The following KCNMA1 variants were observed in gnomAD, a reference collection of about 807,000 sequenced individuals.
KCNMA1 encodes the protein Calcium-activated potassium channel subunit alpha-1.
Under a neutral mutation model 140.0 loss-of-function variants are expected in KCNMA1, and 29 were observed. The observed-to-expected ratio is 0.21, with a 90% CI of 0.15 to 0.28. The LOEUF is 0.28. Among genes scored for constraint, KCNMA1 ranks in the 10% least tolerant of loss-of-function variants. The pLI is 1.00. For missense variants in KCNMA1, 880 were observed against 1,602.2 expected, an observed-to-expected ratio of 0.55 and a Z score of 7.70; for synonymous variants, 612 against 611.9, an observed-to-expected ratio of 1.00 and a Z score of 0.00.
At chr10:76,869,860 C>T (rs1322224356) in exon 28 of KCNMA1, 1 of 152,526 alleles carries the variant, frequency 6.6e-6, no homozygotes, top group Non-Finnish European at 1.5e-5. Flanking sequence ...GCTCTTTTTC[C>T]TCAATGAACA....
chr10:76,918,422 T>C (rs892359604), intron 23 of KCNMA1, among the ~76,000 whole-genome samples: 2 of 152,204 alleles, frequency 1.3e-5, no homozygotes, highest in Non-Finnish European at 2.9e-5. Flanking sequence ...CATAGCACTT[T>C]GTTGATCATG....
chr10:77,324,186 C>A (rs1002180905), intron 2 of KCNMA1, among the ~76,000 whole-genome samples: 1 of 152,140 alleles, frequency 6.6e-6, no homozygotes, highest in African/African-American at 2.4e-5. Context: ...AACACTGTGC[C>A]CACTCTCCAG....
At chr10:77,410,955 G>A (rs3844118) in intron 1 of KCNMA1, among the ~76,000 whole-genome samples, 35,575 of 152,192 alleles carry the variant, frequency 0.23, 6,760 homozygotes, top group African/African-American at 0.52. Context: ...ATCATTGTGT[G>A]CTGTCTGCAA....
intron 23 of KCNMA1, among the ~76,000 whole-genome samples, chr10:76,941,831 C>T (rs1479057712): frequency 1.3e-5 from 2 of 152,320 alleles, no homozygotes; most frequent in African/African-American, 2.4e-5. Context: ...TTATTTCCCA[C>T]AGTTCTGGAG....
At chr10:76,989,683 T>G (rs928043771) in intron 19 of KCNMA1, among the ~76,000 whole-genome samples, 7 of 152,198 alleles carry the variant, frequency 4.6e-5, no homozygotes, top group African/African-American at 1.7e-4. Context: ...TTAAACAAAT[T>G]GACTCCATTT....
intron 2 of KCNMA1, among the ~76,000 whole-genome samples, chr10:77,342,185 C>T (rs1046953869): frequency 2.0e-5 from 3 of 152,282 alleles, no homozygotes; most frequent in Admixed American, 6.5e-5. Flanking sequence ...TTATAAATAG[C>T]AAAGACATGT....
chr10:77,400,389 G>C (rs2096224197), intron 2 of KCNMA1, among the ~76,000 whole-genome samples: 1 of 152,340 alleles, frequency 6.6e-6, no homozygotes, highest in East Asian at 1.9e-4. Context: ...CTCAGGCAAA[G>C]AGGCCTGAGT....
chr10:77,455,512 CACATTTG>C (rs2097746729), intron 1 of KCNMA1, among the ~76,000 whole-genome samples: 1 of 152,154 alleles, frequency 6.6e-6, no homozygotes. Context: ...CGAGTCCACT[CACATTTG>C]ATAGGCTCCT....
chr10:76,984,648 A>C (rs2080671227), intron 19 of KCNMA1, among the ~76,000 whole-genome samples: 1 of 152,254 alleles, frequency 6.6e-6, no homozygotes, highest in African/African-American at 2.4e-5. Flanking sequence ...AATAGATATT[A>C]GATTAAAATG....
At chr10:77,248,663 A>G (rs1392738810) in intron 3 of KCNMA1, among the ~76,000 whole-genome samples, 7 of 152,350 alleles carry the variant, frequency 4.6e-5, no homozygotes, top group African/African-American at 1.7e-4. Context: ...TTAAGAATGT[A>G]CATTCTACTT....
chr10:77,375,489 G>A (rs2095033587), intron 2 of KCNMA1, among the ~76,000 whole-genome samples: 2 of 152,164 alleles, frequency 1.3e-5, no homozygotes, highest in South Asian at 4.2e-4. Flanking sequence ...GCCTGCCTGG[G>A]GCTACCAAGC....
chr10:77,476,957 C>A (rs1240631566), intron 1 of KCNMA1, among the ~76,000 whole-genome samples: 2 of 152,198 alleles, frequency 1.3e-5, no homozygotes, highest in East Asian at 1.9e-4. Flanking sequence ...CCTACCCTCC[C>A]AGAATTCATA....
chr10:77,560,449 C>T (rs2065983233), intron 1 of KCNMA1, among the ~76,000 whole-genome samples: 1 of 152,206 alleles, frequency 6.6e-6, no homozygotes, highest in Non-Finnish European at 1.5e-5. Context: ...GCTAACTCCA[C>T]TCTATCATTG....
chr10:77,270,078 C>T (rs907472326), intron 2 of KCNMA1, among the ~76,000 whole-genome samples: 3 of 152,182 alleles, frequency 2.0e-5, no homozygotes, highest in African/African-American at 7.2e-5. Flanking sequence ...TTTTGGGCAC[C>T]TCTGGGACCA....
chr10:77,160,801 G>T (rs1284011006), intron 5 of KCNMA1, among the ~76,000 whole-genome samples: 1 of 152,156 alleles, frequency 6.6e-6, no homozygotes, highest in African/African-American at 2.4e-5. Context: ...AACCCTAATA[G>T]GCCCTGGTTT....
At chr10:77,126,882 T>A (rs1470070394) in intron 5 of KCNMA1, among the ~76,000 whole-genome samples, 2 of 152,112 alleles carry the variant, frequency 1.3e-5, no homozygotes, top group African/African-American at 4.8e-5. Context: ...CTCACAGGCA[T>A]GGGCATTAAA....
In KCNMA1 at chr10:77,114,007, G is replaced by A. The variant is rs116041757; in HGVS notation, c.885-1565C>T. On this transcript the variant is annotated intron_variant, in intron 6 of 27. Coordinates refer to ENST00000286628, the MANE Select transcript of KCNMA1 (RefSeq NM_001161352.2). ...TATTTCTGTTAAGAATCTCTTCGGG[G>A]ATGGCATCACATCAGGATATCCCAG... is the stretch of plus-strand genomic sequence containing the variant. 1.1e-3 allele frequency among the ~76,000 whole-genome samples: 163 copies of A among 152,218 alleles called. 3 individuals carry two copies. In the East Asian group the frequency reaches 0.027, roughly 25 times the overall value.
At chr10:77,007,653 G>GTGTGTATATATATATA in intron 18 of KCNMA1, among the ~76,000 whole-genome samples, 1 of 88,466 alleles carries the variant, frequency 1.1e-5, no homozygotes. Context: ...TTGTGTGTGT[G>GTGTGTATATATATATA]TATATATATA....
At chr10:77,527,710 C>A (rs1203805522) in intron 1 of KCNMA1, among the ~76,000 whole-genome samples, 1 of 151,984 alleles carries the variant, frequency 6.6e-6, no homozygotes, top group East Asian at 1.9e-4. Flanking sequence ...AGAGAGAGAG[C>A]GAGAGAGAGG....
Sources: allele counts gnomAD v4.1 joint callset (sites outside exome capture counted in the v4.1 genomes callset), GRCh38; gene constraint gnomAD v4.1.1; transcripts MANE v1.5; gene names NCBI Gene and HGNC (gene_info 2026-07-23, HGNC 2026-07-21).